Variants in TMEM132D observed in about 807,000 individuals in gnomAD.
TMEM132D encodes the protein transmembrane protein 132D.
In TMEM132D, 21 loss-of-function variants were observed where a neutral mutation model predicts 62.3. That is an observed-to-expected ratio of 0.34 (90% CI 0.24 to 0.49). TMEM132D has a LOEUF of 0.49. Among genes scored for constraint, TMEM132D ranks in the 20% least tolerant of loss-of-function variants. The probability of loss-of-function intolerance (pLI) is 0.99; values close to 1 mark genes in which losing one functional copy is unlikely to be tolerated. For synonymous variants in TMEM132D, 621 were observed against 575.6 expected, an observed-to-expected ratio of 1.08 and a Z score of -1.13; for missense variants, 1,346 against 1,402.8, an observed-to-expected ratio of 0.96 and a Z score of 0.65.
At chr12:129,147,767 C>T (rs111721454) in intron 5 of TMEM132D, among the ~76,000 whole-genome samples, 111 of 152,298 alleles carry the variant, frequency 7.3e-4, no homozygotes, top group African/African-American at 2.6e-3. Flanking sequence ...CTGCTATGTC[C>T]ACTCTGTAGT....
chr12:129,516,550 T>C (rs868589265), intron 3 of TMEM132D, among the ~76,000 whole-genome samples: 29 of 152,130 alleles, frequency 1.9e-4, no homozygotes, highest in South Asian at 1.4e-3. Flanking sequence ...TCAGATCTCG[T>C]GAGACTTATT....
intron 3 of TMEM132D, among the ~76,000 whole-genome samples, chr12:129,487,041 G>A (rs112525296): frequency 6.6e-6 from 1 of 151,584 alleles, no homozygotes; most frequent in Non-Finnish European, 1.5e-5. Context: ...TGGGGGGGGG[G>A]GTTGTGGGTG....
rs183790360 is a variant in TMEM132D, at chr12:129,175,988, C to G, written c.1443+33532G>C. On this transcript the variant is annotated intron_variant, in intron 5 of 8. Coordinates refer to ENST00000422113, the MANE Select transcript of TMEM132D (RefSeq NM_133448.3). ...ACCCTTGCAAAACATCAAGTGGAGTCTGGAGTAATTCCAACATATGTGTGC... is the reference window on the plus strand; with the variant it reads ...ACCCTTGCAAAACATCAAGTGGAGTGTGGAGTAATTCCAACATATGTGTGC... Among the ~76,000 whole-genome samples, 128 of 152,318 alleles carry G rather than the reference C, an allele frequency of 8.4e-4. 2 individuals carry two copies. The South Asian group carries it at 0.011, about 13-fold the overall frequency.
chr12:129,186,672 AC>A (rs1465194561), intron 5 of TMEM132D, among the ~76,000 whole-genome samples: 1 of 152,088 alleles, frequency 6.6e-6, no homozygotes, highest in East Asian at 1.9e-4. Flanking sequence ...CACAGAACCT[AC>A]CCCATAGGGA....
chr12:129,472,595 A>G (rs1189742817), intron 3 of TMEM132D, among the ~76,000 whole-genome samples: 2 of 152,188 alleles, frequency 1.3e-5, no homozygotes, highest in Non-Finnish European at 2.9e-5. Context: ...AACTTAAAGT[A>G]AAAAACAAAC....
chr12:129,516,417 C>T (rs1416523233), intron 3 of TMEM132D, among the ~76,000 whole-genome samples: 2 of 152,178 alleles, frequency 1.3e-5, no homozygotes, highest in East Asian at 3.9e-4. Flanking sequence ...TTAATGGACT[C>T]ACAGTTCCAC....
intron 3 of TMEM132D, among the ~76,000 whole-genome samples, chr12:129,397,936 C>T (rs747685336): frequency 2.0e-5 from 3 of 152,102 alleles, no homozygotes; most frequent in African/African-American, 4.8e-5. Flanking sequence ...TTCTTTGGGG[C>T]CAAAACCTCT....
At chr12:129,757,421 A>G (rs896329068) in intron 1 of TMEM132D, among the ~76,000 whole-genome samples, 1 of 152,098 alleles carries the variant, frequency 6.6e-6, no homozygotes, top group African/African-American at 2.4e-5. Context: ...TTCAAATACC[A>G]TCTATATGCC....
rs1486068878 is a variant in TMEM132D, at chr12:129,358,615, A to T, written c.1116-20798T>A. Among the ~76,000 whole-genome samples, 6 of 152,338 alleles carry T rather than the reference A, an allele frequency of 3.9e-5. No homozygotes were observed. The East Asian group carries it at 5.8e-4, about 15-fold the overall frequency. On this transcript the variant is annotated intron_variant, in intron 3 of 8. Transcript: ENST00000422113. ...GGGAGGTGGGAGGTGGACATTAAATAAACAATCACATCAACCAACATAAAT... is the reference window on the plus strand; with the variant it reads ...GGGAGGTGGGAGGTGGACATTAAATTAACAATCACATCAACCAACATAAAT...
chr12:129,278,581 T>A (rs1242570037), intron 4 of TMEM132D, among the ~76,000 whole-genome samples: 2 of 152,186 alleles, frequency 1.3e-5, no homozygotes, highest in African/African-American at 4.8e-5. Flanking sequence ...GCCATTTGAC[T>A]GTGTTTGAAT....
chr12:129,610,712 A>G (rs1035391403), intron 2 of TMEM132D, among the ~76,000 whole-genome samples: 62 of 152,000 alleles, frequency 4.1e-4, no homozygotes, highest in African/African-American at 2.4e-5. Flanking sequence ...TTGAATTACA[A>G]GCAAGTAAGT....
intron 3 of TMEM132D, among the ~76,000 whole-genome samples, chr12:129,484,856 A>G (rs1039919034): frequency 6.6e-6 from 1 of 152,218 alleles, no homozygotes; most frequent in African/African-American, 2.4e-5. Flanking sequence ...AGAATTCAAA[A>G]TTTTTTTAAG....
At chr12:129,391,659 C>T (rs983434395) in intron 3 of TMEM132D, among the ~76,000 whole-genome samples, 13 of 152,158 alleles carry the variant, frequency 8.5e-5, no homozygotes, top group African/African-American at 2.9e-4. Context: ...ATCAGCAGTG[C>T]TTTAAAAACA....
chr12:129,465,771 C>T (rs1483973812), intron 3 of TMEM132D, among the ~76,000 whole-genome samples: 1 of 152,122 alleles, frequency 6.6e-6, no homozygotes, highest in Non-Finnish European at 1.5e-5. Flanking sequence ...TAACCTCTGC[C>T]TCCCAGGTTC....
chr12:129,294,581 T>C (rs1010624300), intron 4 of TMEM132D, among the ~76,000 whole-genome samples: 4 of 152,274 alleles, frequency 2.6e-5, no homozygotes, highest in Admixed American at 6.5e-5. Context: ...GACAGGTGAC[T>C]GGATGCAAGG....
intron 5 of TMEM132D, among the ~76,000 whole-genome samples, chr12:129,188,409 G>T (rs942110976): frequency 6.6e-6 from 1 of 152,144 alleles, no homozygotes; most frequent in Non-Finnish European, 1.5e-5. Flanking sequence ...CAGCTGACCC[G>T]CAGGCTTCTT....
At chr12:129,426,791 G>A (rs1872514472) in intron 3 of TMEM132D, among the ~76,000 whole-genome samples, 1 of 152,200 alleles carries the variant, frequency 6.6e-6, no homozygotes, top group Non-Finnish European at 1.5e-5. Context: ...GAAAACCGAG[G>A]CACAGAGAAG....
chr12:129,691,846 A>G (rs1021116445), intron 2 of TMEM132D, among the ~76,000 whole-genome samples: 1 of 152,130 alleles, frequency 6.6e-6, no homozygotes, highest in African/African-American at 2.4e-5. Flanking sequence ...CACAAATCTT[A>G]TAACTAGGAT....
chr12:129,072,787 T>C lies in TMEM132D; in HGVS notation c.*1088A>G, dbSNP rs1387517514. Reference sequence around the variant, plus strand: ...TCTGCCATGAACAGTGAAAGACCCATCCCAAGTGGCCCTGTTTTCTTTCTA... The same window carrying C: ...TCTGCCATGAACAGTGAAAGACCCACCCCAAGTGGCCCTGTTTTCTTTCTA... On this transcript the variant is annotated 3_prime_UTR_variant, in exon 9 of 9. Transcript: ENST00000422113. 1 of 152,154 alleles carries C rather than the reference T, an allele frequency of 6.6e-6. No homozygotes were observed. Among genetic ancestry groups the C allele is most frequent in the Non-Finnish European group, 1.5e-5 (1 of 68,036 alleles). 9.4% of individuals were successfully genotyped at this position (152,154 alleles called of 1,614,324 possible).
Sources: allele counts gnomAD v4.1 joint callset (sites outside exome capture counted in the v4.1 genomes callset), GRCh38; gene constraint gnomAD v4.1.1; transcripts MANE v1.5; gene names NCBI Gene and HGNC (gene_info 2026-07-23, HGNC 2026-07-21).